SLC10A6: variants seen among roughly 807,000 people sequenced by gnomAD.
The protein encoded by SLC10A6 is sodium-dependent organic anion transporter.
In SLC10A6, 27 loss-of-function variants were observed where a neutral mutation model predicts 30.0. The observed-to-expected ratio is 0.90, with a 90% confidence interval of 0.66 to 1.24. The LOEUF is 1.24. SLC10A6 is among the 50% of genes most tolerant of loss of function. The probability of loss-of-function intolerance (pLI) is 0.00; values close to 1 mark genes in which losing one functional copy is unlikely to be tolerated. For synonymous variants in SLC10A6, 166 were observed against 173.8 expected, an observed-to-expected ratio of 0.95 and a Z score of 0.36; for missense variants, 439 against 457.0, an observed-to-expected ratio of 0.96 and a Z score of 0.36.
At chr4:86,832,095 T>C (rs982627817) in intron 2 of SLC10A6, among the ~76,000 whole-genome samples, 3 of 152,190 alleles carry the variant, frequency 2.0e-5, no homozygotes, top group African/African-American at 7.2e-5. Flanking sequence ...GAACATATTA[T>C]CAAAGCAGAA....
intron 4 of SLC10A6, 51 bp downstream of exon 4, chr4:86,827,942 G>A: frequency 1.3e-6 from 2 of 1,542,718 alleles, no homozygotes; most frequent in Non-Finnish European, 1.8e-6. Context: ...ACCAGTGGCA[G>A]TGTGTTAAAT....
rs1287180187 is a variant in SLC10A6 at position 86,823,728 on chromosome 4, C to T, written c.1094G>A (p.Arg365Lys). 3 of 1,613,928 alleles carry T rather than the reference C, an allele frequency of 1.9e-6. No homozygotes were observed. Among genetic ancestry groups the T allele is most frequent in the South Asian group, 1.1e-5 (1 of 91,016 alleles). The change falls in exon 6 of 6, where the codon AGG becomes AAG. Residue 365 changes from arginine to lysine, a missense_variant. Physicochemically the swap from Arg to Lys is conservative, Grantham distance 26 (BLOSUM62 2). Coordinates refer to ENST00000273905, the MANE Select transcript of SLC10A6 (RefSeq NM_197965.3). ...PGPPGPMDCHRALEPVGHITS... is the reference protein window; with the variant it reads ...PGPPGPMDCHKALEPVGHITS... ...GATGTGGCCAACTGGCTCGAGAGCCCTGTGGCAATCCATTGGCCCTGGTGG... is the reference window on the plus strand; with the variant it reads ...GATGTGGCCAACTGGCTCGAGAGCCTTGTGGCAATCCATTGGCCCTGGTGG...
chr4:86,837,339 A>AGGCAGGCAGGCAGGCAGGC (rs1560460513), intron 1 of SLC10A6, among the ~76,000 whole-genome samples: 1 of 103,046 alleles, frequency 9.7e-6, no homozygotes, highest in African/African-American at 5.6e-5. Flanking sequence ...GGAAGGAAGG[A>AGGCAGGCAGGCAGGCAGGC]AGGAAGGCAG....
intron 1 of SLC10A6, among the ~76,000 whole-genome samples, chr4:86,835,409 G>A (rs1746163034): frequency 6.6e-6 from 1 of 152,214 alleles, no homozygotes; most frequent in Admixed American, 6.5e-5. Flanking sequence ...GCTCATGCCT[G>A]TAATCCCAGC....
intron 1 of SLC10A6, among the ~76,000 whole-genome samples, chr4:86,837,117 C>T (rs1746198579): frequency 1.3e-5 from 2 of 151,178 alleles, no homozygotes; most frequent in Admixed American, 1.3e-4. Flanking sequence ...CACTTAGTTA[C>T]ATTAACTGAT....
chr4:86,846,854 G>A (rs1325298299), intron 1 of SLC10A6, among the ~76,000 whole-genome samples: 1 of 152,138 alleles, frequency 6.6e-6, no homozygotes. Flanking sequence ...GCTTAGATAG[G>A]TTAAATAATT....
chr4:86,833,356 G>A lies in SLC10A6; in HGVS notation c.446C>T (p.Thr149Ile), dbSNP rs1253659710. 1.2e-6 allele frequency: 2 copies of A among 1,613,998 alleles called. No individual in the cohort carries two copies. The highest frequency in any genetic ancestry group is 1.7e-6 in the Non-Finnish European group (2 of 1,180,006). The change falls in exon 2 of 6, where the codon ACC becomes ATC. Residue 149 changes from threonine (T) to isoleucine (I), a missense_variant. Thr to Ile is a moderately conservative substitution (Grantham distance 89). Coordinates refer to ENST00000273905, the MANE Select transcript of SLC10A6 (RefSeq NM_197965.3). ...ATTCTGCTGAAGACTCCAGGACCAG[G>A]TGTAGAGATAAATGCAGAGTGGCAT... is the stretch of plus-strand genomic sequence containing the variant. ...GMMPLCIYLYTWSWSLQQNLT... is the reference protein window; with the variant it reads ...GMMPLCIYLYIWSWSLQQNLT...
intron 1 of SLC10A6, among the ~76,000 whole-genome samples, chr4:86,845,886 G>T (rs181318558): frequency 6.6e-6 from 1 of 152,244 alleles, no homozygotes; most frequent in East Asian, 1.9e-4. Context: ...CGCACAAACC[G>T]GTTCCAACCA....
At position 86,839,623 on chromosome 4, in the gene SLC10A6, A is replaced by G. The variant is rs1313546932; in HGVS notation, c.378-6199T>C. On this transcript the variant is annotated intron_variant, in intron 1 of 5. Coordinates refer to ENST00000273905, the MANE Select transcript of SLC10A6 (RefSeq NM_197965.3). ...ATGCCATAATTTCTTCAATCACTTCATTAACCATAGGTCAGTTGCTTTTAG... is the reference window on the plus strand; with the variant it reads ...ATGCCATAATTTCTTCAATCACTTCGTTAACCATAGGTCAGTTGCTTTTAG... Among the ~76,000 whole-genome samples, 11 of 152,336 alleles carry G rather than the reference A, an allele frequency of 7.2e-5. No individual in the cohort carries two copies. In the East Asian group the frequency reaches 1.9e-3, roughly 27 times the overall value.
Position 86,825,419 on chromosome 4 carries a change from C to A in SLC10A6, c.919+1G>T. ...TTCCTACCCAATGGGTGTTCACCCA[C>A]CTGCAACAATAAGAAATCCATCTAT... On this transcript the variant is annotated splice_donor_variant, in intron 5 of 5. Coordinates refer to ENST00000273905, the MANE Select transcript of SLC10A6 (RefSeq NM_197965.3). LOFTEE classifies it high-confidence loss of function. 6.3e-7 allele frequency: 1 copy of A among 1,585,212 alleles called. No individual in the cohort carries two copies. Among genetic ancestry groups the A allele is most frequent in the Non-Finnish European group, 8.6e-7 (1 of 1,157,384 alleles).
rs569652383 is a variant in SLC10A6 at position 86,848,974 on chromosome 4, A to G, written c.142T>C (p.Ser48Pro). 18 of 1,614,174 alleles carry G rather than the reference A, an allele frequency of 1.1e-5. No homozygotes were observed. Among genetic ancestry groups the G allele is most frequent in the Non-Finnish European group, 1.5e-5 (18 of 1,180,020 alleles). ...STVMMGLLMF[S>P]LGCSVEIRKL... ...CGGATCTCCACGGAACATCCCAAAG[A>G]GAACATGAGCAGCCCCATCATCACA... The change falls in exon 1 of 6, where the codon TCT becomes CCT. Residue 48 changes from serine to proline, a missense_variant. Transcript: ENST00000273905.
intron 3 of SLC10A6, 85 bp downstream of exon 3, chr4:86,831,707 C>T: frequency 9.0e-7 from 1 of 1,114,670 alleles, no homozygotes. Context: ...ACTCAACAAG[C>T]TCACTTGTCC....
chr4:86,836,427 T>G (rs1032049208), intron 1 of SLC10A6, among the ~76,000 whole-genome samples: 1 of 152,084 alleles, frequency 6.6e-6, no homozygotes, highest in Non-Finnish European at 1.5e-5. Flanking sequence ...TGGGAGGTGT[T>G]TAGGTCACAA....
In SLC10A6 at chr4:86,849,308, C is replaced by T. The variant is rs1037743441; in HGVS notation, c.-193G>A. The T allele has an allele frequency of 3.8e-5, 24 of 638,164 alleles. No homozygotes were observed. The highest frequency in any genetic ancestry group is 4.3e-4 in the Middle Eastern group (1 of 2,342). The allele number at this position is 638,164 out of a possible 1,614,324, so 39.5% of individuals were successfully genotyped here. On this transcript the variant is annotated 5_prime_UTR_variant, in exon 1 of 6. It adds an upstream start codon to the 5' untranslated region. Coordinates refer to ENST00000273905, the MANE Select transcript of SLC10A6 (RefSeq NM_197965.3). ...AGTGGCATTATAAAAGTAATTATCA[C>T]AGGCATGAAACATATAATAAACTGT...
intron 1 of SLC10A6, among the ~76,000 whole-genome samples, chr4:86,842,861 TCTTTCTTTC>T (rs1560461914): frequency 3.4e-5 from 2 of 58,496 alleles, no homozygotes; most frequent in Admixed American, 3.1e-4. Context: ...TTTCTTTCTT[TCTTTCTTTC>T]TTTCTTTTTT....
intron 1 of SLC10A6, among the ~76,000 whole-genome samples, chr4:86,837,186 A>G (rs1330368914): frequency 6.8e-6 from 1 of 147,010 alleles, no homozygotes; most frequent in African/African-American, 2.6e-5. Flanking sequence ...GAGGAAGAAG[A>G]GCCCATGGTG....
At chr4:86,825,145 C>T (rs752255507) in intron 5 of SLC10A6, among the ~76,000 whole-genome samples, 3 of 152,132 alleles carry the variant, frequency 2.0e-5, no homozygotes, top group African/African-American at 4.8e-5. Context: ...TAACAAGTTA[C>T]GAAGTCTAAG....
chr4:86,837,040 G>A (rs529137908), intron 1 of SLC10A6, among the ~76,000 whole-genome samples: 8 of 151,632 alleles, frequency 5.3e-5, no homozygotes, highest in East Asian at 3.9e-4. Flanking sequence ...CACCACGCCC[G>A]GCCATAATAT....
At chr4:86,844,796 T>C (rs1403389830) in intron 1 of SLC10A6, among the ~76,000 whole-genome samples, 1 of 152,188 alleles carries the variant, frequency 6.6e-6, no homozygotes, top group Non-Finnish European at 1.5e-5. Context: ...TCCACATGGT[T>C]GGGGAGGTCT....
Sources: gnomAD v4.1 joint callset for allele counts (sites outside exome capture counted in the v4.1 genomes callset) on GRCh38, gnomAD v4.1.1 for gene constraint, MANE v1.5 for transcripts, NCBI Gene and HGNC (gene_info 2026-07-23, HGNC 2026-07-21) for gene names.